Variants in ADGB observed in about 807,000 individuals in gnomAD.
ADGB encodes calpain-7-like protein.
In ADGB, 172 loss-of-function variants were observed where a neutral mutation model predicts 210.5. The observed-to-expected ratio is 0.82, with a 90% CI of 0.72 to 0.93. The LOEUF (loss-of-function observed/expected upper bound fraction) is 0.93, where lower values mean the gene tolerates loss of function less well. Ranked by LOEUF, ADGB falls within the 40% of genes least tolerant of loss-of-function variation. The pLI, the probability that ADGB is intolerant of heterozygous loss-of-function variation, is 0.00. For synonymous variants in ADGB, 658 were observed against 662.7 expected, an observed-to-expected ratio of 0.99 and a Z score of 0.11; for missense variants, 2,025 against 1,964.8, an observed-to-expected ratio of 1.03 and a Z score of -0.58.
chr6:146,611,134 G>T (rs1208965146), intron 1 of ADGB, among the ~76,000 whole-genome samples: 1 of 152,034 alleles, frequency 6.6e-6, no homozygotes, highest in Admixed American at 6.6e-5. Flanking sequence ...GCTCTCTGAT[G>T]GTTAGACAGG....
At chr6:146,648,253 T>C (rs1775650395) in intron 3 of ADGB, among the ~76,000 whole-genome samples, 1 of 152,170 alleles carries the variant, frequency 6.6e-6, no homozygotes, top group Non-Finnish European at 1.5e-5. Context: ...GATCTCACTA[T>C]GTTGCCCAGG....
intron 4 of ADGB, among the ~76,000 whole-genome samples, chr6:146,655,354 C>T (rs1349801779): frequency 1.3e-5 from 2 of 152,118 alleles, no homozygotes; most frequent in African/African-American, 4.8e-5. Flanking sequence ...AATACCTCTT[C>T]CAAACCAGCA....
intron 26 of ADGB, among the ~76,000 whole-genome samples, chr6:146,751,586 A>G (rs1162695194): frequency 6.6e-6 from 1 of 152,148 alleles, no homozygotes; most frequent in Admixed American, 6.6e-5. Flanking sequence ...ACTAATTTAC[A>G]TTCTCACCAA....
Position 146,720,188 on chromosome 6 carries a change from C to T in ADGB, c.1993-1215C>T, listed in dbSNP as rs146899563. On this transcript the variant is annotated intron_variant, in intron 16 of 35. Coordinates refer to ENST00000397944, the MANE Select transcript of ADGB (RefSeq NM_024694.4). ...GTTGAAGCACTGAGAACTTGAAAGG[C>T]AATAATAATGCATTAGTCAAGAGTA... Among the ~76,000 whole-genome samples, 511 of 152,212 alleles carry T rather than the reference C, an allele frequency of 3.4e-3. 7 individuals are homozygous for T. Among genetic ancestry groups the T allele is most frequent in the African/African-American group, 0.012 (491 of 41,538 alleles).
chr6:146,719,435 G>A (rs1043938714), intron 16 of ADGB, among the ~76,000 whole-genome samples: 16 of 131,080 alleles, frequency 1.2e-4, no homozygotes, highest in African/African-American at 4.9e-4. Flanking sequence ...TTATTTCCCT[G>A]AATTTTTTTT....
At chr6:146,750,671 C>A (rs1777307293) in intron 26 of ADGB, among the ~76,000 whole-genome samples, 1 of 152,120 alleles carries the variant, frequency 6.6e-6, no homozygotes, top group Admixed American at 6.6e-5. Flanking sequence ...TGTGAGGAAT[C>A]ACCTAAAATA....
chr6:146,809,288 C>A (rs1340574741), intron 35 of ADGB, among the ~76,000 whole-genome samples: 6 of 152,202 alleles, frequency 3.9e-5, no homozygotes, highest in Non-Finnish European at 1.5e-5. Context: ...TCAATGCAAA[C>A]CTCCGCCTCC....
rs537390447 is a variant in ADGB at position 146,801,064 on chromosome 6, G to A, written c.4538-119G>A. 1.5e-4 allele frequency: 65 copies of A among 431,534 alleles called. 1 individual carries two copies. The highest frequency in any genetic ancestry group is 7.6e-5 in the South Asian group (1 of 13,124). 26.7% of individuals were successfully genotyped at this position (431,534 alleles called of 1,614,324 possible). A position where few individuals can be genotyped will look rare whatever the true frequency, so the allele number is the denominator to read the frequency against. On this transcript the variant is annotated intron_variant, in intron 33 of 35. Transcript: ENST00000397944. ...ACATTATGTTAAATAAGACAAGTCC[G>A]GTGAATGAAAATATTTTCTGTTGAA...
chr6:146,756,179 C>T (rs993862304), intron 27 of ADGB, among the ~76,000 whole-genome samples: 11 of 152,032 alleles, frequency 7.2e-5, no homozygotes, highest in Admixed American at 2.0e-4. Context: ...GTGTTCTATC[C>T]AGGAACTGCT....
chr6:146,724,831 A>G (rs976733565), intron 18 of ADGB: 1 of 152,192 alleles, frequency 6.6e-6, no homozygotes, highest in Non-Finnish European at 1.5e-5. Flanking sequence ...AAAGCTGGTT[A>G]AACACATTAG....
chr6:146,652,049 C>T (rs1313501744), intron 3 of ADGB, among the ~76,000 whole-genome samples: 1 of 152,030 alleles, frequency 6.6e-6, no homozygotes, highest in Non-Finnish European at 1.5e-5. Flanking sequence ...TGGCCCAGAC[C>T]CTTGAGCATT....
intron 2 of ADGB, among the ~76,000 whole-genome samples, chr6:146,637,714 G>T (rs1300671003): frequency 6.6e-6 from 1 of 151,878 alleles, no homozygotes; most frequent in Non-Finnish European, 1.5e-5. Context: ...TCTCCTTTCT[G>T]GAATAAGACA....
At chr6:146,722,339 A>G (rs1217854928) in intron 17 of ADGB, among the ~76,000 whole-genome samples, 1 of 152,078 alleles carries the variant, frequency 6.6e-6, no homozygotes, top group Non-Finnish European at 1.5e-5. Context: ...TGGGACTTTC[A>G]TTACTATCTA....
At chr6:146,750,408 T>C (rs1156946334) in intron 26 of ADGB, among the ~76,000 whole-genome samples, 1 of 151,804 alleles carries the variant, frequency 6.6e-6, no homozygotes, top group Non-Finnish European at 1.5e-5. Context: ...AAAATAAAAA[T>C]TTAGTTGAGC....
intron 9 of ADGB, among the ~76,000 whole-genome samples, chr6:146,678,334 C>G (rs1776111028): frequency 6.6e-6 from 1 of 152,192 alleles, no homozygotes; most frequent in African/African-American, 2.4e-5. Context: ...TCAAGCGATT[C>G]TTGTGCCTCA....
At chr6:146,791,133 C>T (rs1367581206) in intron 33 of ADGB, among the ~76,000 whole-genome samples, 1 of 152,128 alleles carries the variant, frequency 6.6e-6, no homozygotes, top group Non-Finnish European at 1.5e-5. Flanking sequence ...TTTATCTCAA[C>T]CCATGGTTGA....
chr6:146,628,923 T>C (rs1781019757), intron 1 of ADGB, among the ~76,000 whole-genome samples: 1 of 152,074 alleles, frequency 6.6e-6, no homozygotes, highest in Admixed American at 6.6e-5. Context: ...GGGAAATAAA[T>C]GTTACCAAAT....
intron 1 of ADGB, among the ~76,000 whole-genome samples, chr6:146,631,781 T>C (rs1385958501): frequency 6.6e-6 from 1 of 151,932 alleles, no homozygotes; most frequent in Non-Finnish European, 1.5e-5. Context: ...AATGAAGCAA[T>C]ATGAAATGAT....
At chr6:146,773,997 T>A (rs1777689259) in intron 29 of ADGB, among the ~76,000 whole-genome samples, 2 of 152,210 alleles carry the variant, frequency 1.3e-5, no homozygotes, top group Non-Finnish European at 1.5e-5. Flanking sequence ...AGCTAGTGAC[T>A]GGCACAGCTG....
Sources: allele counts gnomAD v4.1 joint callset (sites outside exome capture counted in the v4.1 genomes callset), GRCh38; gene constraint gnomAD v4.1.1; transcripts MANE v1.5; gene names NCBI Gene and HGNC (gene_info 2026-07-23, HGNC 2026-07-21).